CHL1: variants seen among roughly 807,000 people sequenced by gnomAD.
CHL1 encodes the protein cell adhesion molecule L1 like, also known as neural cell adhesion molecule L1-like protein.
CHL1 carries 96 observed loss-of-function variants against 141.9 expected under a neutral mutation model. The observed-to-expected ratio is 0.68, with a 90% confidence interval of 0.57 to 0.80. The LOEUF (loss-of-function observed/expected upper bound fraction) is 0.80, where lower values mean the gene tolerates loss of function less well. Ranked by LOEUF, CHL1 falls within the 30% of genes least tolerant of loss-of-function variation. CHL1 has a pLI of 0.00. For synonymous variants in CHL1, 613 were observed against 502.2 expected, an observed-to-expected ratio of 1.22 and a Z score of -2.95; for missense variants, 1,820 against 1,457.2, an observed-to-expected ratio of 1.25 and a Z score of -4.05.
chr3:350,174 ATCT>A (rs1284770658), intron 10 of CHL1, among the ~76,000 whole-genome samples: 6 of 152,234 alleles, frequency 3.9e-5, no homozygotes, highest in Non-Finnish European at 7.3e-5. Flanking sequence ...TATTCAAGTC[ATCT>A]TCTCTCTGTA....
chr3:315,951 C>T (rs554269927), intron 2 of CHL1, among the ~76,000 whole-genome samples: 25 of 152,096 alleles, frequency 1.6e-4, no homozygotes, highest in Admixed American at 5.9e-4. Flanking sequence ...TGGCCTGCTG[C>T]GGATGCACTA....
At chr3:291,114 T>G (rs1448661233) in intron 2 of CHL1, among the ~76,000 whole-genome samples, 2 of 152,100 alleles carry the variant, frequency 1.3e-5, no homozygotes, top group Non-Finnish European at 2.9e-5. Flanking sequence ...CAGGGTTGCC[T>G]GTTTAATATT....
chr3:315,661 A>T (rs1357910261), intron 2 of CHL1, among the ~76,000 whole-genome samples: 1 of 152,048 alleles, frequency 6.6e-6, no homozygotes, highest in Admixed American at 6.6e-5. Flanking sequence ...ACGCTTGTCC[A>T]TGTTAAACTA....
intron 5 of CHL1, among the ~76,000 whole-genome samples, chr3:334,789 A>G (rs1559270527): frequency 6.6e-6 from 1 of 152,164 alleles, no homozygotes; most frequent in Non-Finnish European, 1.5e-5. Flanking sequence ...CAGTCTATCA[A>G]TTGTCATATG....
rs1394454782 is a variant in CHL1 at position 407,626 on chromosome 3, A to T, written c.*1915A>T. On this transcript the variant is annotated 3_prime_UTR_variant, in exon 28 of 28. Transcript: ENST00000256509. ...CATCATGTTTTGATTTATCTGGGAG[A>T]AAACTGTGGTGCACAGCTTGTGAGG... 6.6e-6 allele frequency: 1 copy of T among 152,078 alleles called. No individual in the cohort carries two copies. Among genetic ancestry groups the T allele is most frequent in the Non-Finnish European group, 1.5e-5 (1 of 68,004 alleles). 9.4% of individuals were successfully genotyped at this position (152,078 alleles called of 1,614,324 possible).
chr3:370,684 T>C (rs531750528), intron 15 of CHL1, among the ~76,000 whole-genome samples: 1 of 152,300 alleles, frequency 6.6e-6, no homozygotes, highest in East Asian at 1.9e-4. Flanking sequence ...TCTGGTTCTT[T>C]TAATTGTGAT....
chr3:365,189 C>T (rs551464818), intron 14 of CHL1, among the ~76,000 whole-genome samples: 1 of 152,248 alleles, frequency 6.6e-6, no homozygotes, highest in East Asian at 1.9e-4. Flanking sequence ...CCAAATGCCA[C>T]ATTAAGAGTA....
chr3:314,359 ATATATATAT>A (rs1484126718), intron 2 of CHL1, among the ~76,000 whole-genome samples: 6 of 115,128 alleles, frequency 5.2e-5, no homozygotes, highest in African/African-American at 1.4e-4. Flanking sequence ...ATATATATAT[ATATATATAT>A]ATCTGCTTCA....
chr3:370,515 CT>C, intron 15 of CHL1, among the ~76,000 whole-genome samples: 1 of 133,196 alleles, frequency 7.5e-6, no homozygotes, highest in Non-Finnish European at 1.6e-5. Flanking sequence ...AGCTAGTCAT[CT>C]ATCTATTTTG....
At chr3:363,434 T>A in intron 14 of CHL1, 51 bp downstream of exon 14, 1 of 1,487,234 alleles carries the variant, frequency 6.7e-7, no homozygotes, top group Non-Finnish European at 9.2e-7. Context: ...GGGTTCAGTC[T>A]GTCTTCATTT....
At position 320,822 on chromosome 3, in the gene CHL1, G is replaced by A. The variant is rs188412850; in HGVS notation, c.91+955G>A. 6.1e-3 allele frequency among the ~76,000 whole-genome samples: 935 copies of A among 152,058 alleles called. 9 individuals carry two copies. The highest frequency in any genetic ancestry group is 8.4e-3 in the Non-Finnish European group (573 of 67,964). Reference sequence around the variant, plus strand: ...TGCATATGGGTTCTAAAAGACCCACGAGAGGTTATTAAGACATTTTTATCC... The same window carrying A: ...TGCATATGGGTTCTAAAAGACCCACAAGAGGTTATTAAGACATTTTTATCC... On this transcript the variant is annotated intron_variant, in intron 3 of 27. Transcript: ENST00000256509.
chr3:362,954 T>A (rs1704428707), intron 13 of CHL1, among the ~76,000 whole-genome samples: 1 of 152,146 alleles, frequency 6.6e-6, no homozygotes, highest in African/African-American at 2.4e-5. Flanking sequence ...TGAGGACACA[T>A]GCAAACCGGT....
chr3:366,767 G>A (rs1180774118), intron 15 of CHL1, among the ~76,000 whole-genome samples: 2 of 151,322 alleles, frequency 1.3e-5, no homozygotes, highest in Non-Finnish European at 2.9e-5. Flanking sequence ...ACAAAGCACT[G>A]CAGCTGCAAT....
intron 18 of CHL1, among the ~76,000 whole-genome samples, chr3:383,330 T>C (rs925213284): frequency 3.3e-5 from 5 of 152,178 alleles, no homozygotes; most frequent in Non-Finnish European, 7.4e-5. Context: ...TCTAAAAATA[T>C]TCATGACTAC....
chr3:324,135 G>A (rs1182558058), intron 3 of CHL1, among the ~76,000 whole-genome samples: 1 of 147,006 alleles, frequency 6.8e-6, no homozygotes, highest in Non-Finnish European at 1.5e-5. Flanking sequence ...AGAGTCCTGA[G>A]ACCAACACGT....
chr3:336,769 T>A (rs936844631), intron 5 of CHL1, among the ~76,000 whole-genome samples: 5 of 152,194 alleles, frequency 3.3e-5, no homozygotes, highest in Non-Finnish European at 7.3e-5. Flanking sequence ...TATATTATGT[T>A]GAAATAATTG....
Position 409,098 on chromosome 3 carries a change from T to C in CHL1, c.*3387T>C, listed in dbSNP as rs1345797148. On this transcript the variant is annotated 3_prime_UTR_variant, in exon 28 of 28. Coordinates refer to ENST00000256509, the MANE Select transcript of CHL1 (RefSeq NM_006614.4). ...CAATGTTAAATTAATTATAATGGGA[T>C]TGGGTTTGTTATCTGTGGTAGTATA... The C allele has an allele frequency of 6.6e-6, 1 of 152,052 alleles. No individual in the cohort carries two copies. The highest frequency in any genetic ancestry group is 6.6e-5 in the Admixed American group (1 of 15,242). The allele number at this position is 152,052 out of a possible 1,614,324, so 9.4% of individuals were successfully genotyped here.
At chr3:349,778 A>G (rs140558463) in intron 10 of CHL1, among the ~76,000 whole-genome samples, 1 of 152,366 alleles carries the variant, frequency 6.6e-6, no homozygotes, top group East Asian at 1.9e-4. Context: ...GATTAAACAC[A>G]GACAGTTTAC....
intron 2 of CHL1, among the ~76,000 whole-genome samples, chr3:271,433 T>C (rs1444998660): frequency 6.6e-6 from 1 of 152,292 alleles, no homozygotes; most frequent in East Asian, 1.9e-4. Flanking sequence ...AGTGAGACCC[T>C]GTCTCAAAAA....
Sources: allele counts gnomAD v4.1 joint callset (sites outside exome capture counted in the v4.1 genomes callset), GRCh38; gene constraint gnomAD v4.1.1; transcripts MANE v1.5; gene names NCBI Gene and HGNC (gene_info 2026-07-23, HGNC 2026-07-21).